TIAM2: variants seen among roughly 807,000 people sequenced by gnomAD.
TIAM2 encodes TIAM Rac1 associated GEF 2.
A neutral mutation model predicts 152.9 loss-of-function variants in TIAM2; 80 were observed. That is an observed-to-expected ratio of 0.52 (90% confidence interval 0.44 to 0.63). The LOEUF (loss-of-function observed/expected upper bound fraction) is 0.63, where lower values mean the gene tolerates loss of function less well. Ranked by LOEUF, TIAM2 falls within the 30% of genes least tolerant of loss-of-function variation. The pLI is 0.00. For missense variants in TIAM2, 1,965 were observed against 2,120.1 expected (o/e 0.93, Z 1.44); for synonymous variants, 804 against 838.0 (o/e 0.96, Z 0.70).
At chr6:155,250,657 AC>A in intron 21 of TIAM2, 1 of 1,526,306 alleles carries the variant, frequency 6.6e-7, no homozygotes, top group Non-Finnish European at 8.8e-7. Context: ...TGAGTTGGTC[AC>A]AAGGCATGTC....
At chr6:155,029,615 A>G (rs1254472525) in intron 1 of TIAM2, among the ~76,000 whole-genome samples, 1 of 119,898 alleles carries the variant, frequency 8.3e-6, no homozygotes, top group Non-Finnish European at 1.6e-5. Context: ...ATAACTCTGT[A>G]TATATGTATA....
chr6:155,204,787 C>T (rs9384295), intron 14 of TIAM2, among the ~76,000 whole-genome samples: 34,937 of 152,030 alleles, frequency 0.23, 4,307 homozygotes, highest in East Asian at 0.49. Context: ...TTTTCCGATG[C>T]GGTGACTGCT....
intron 1 of TIAM2, among the ~76,000 whole-genome samples, chr6:155,031,480 T>C (rs1237301025): frequency 6.6e-6 from 1 of 152,178 alleles, no homozygotes; most frequent in Non-Finnish European, 1.5e-5. Flanking sequence ...CCCAGCGCTG[T>C]GGGAGGCCAA....
intron 2 of TIAM2, among the ~76,000 whole-genome samples, chr6:155,104,039 C>CT (rs1562316887): frequency 1.1e-5 from 1 of 87,872 alleles, no homozygotes; most frequent in Admixed American, 1.2e-4. Flanking sequence ...CACACACACA[C>CT]ACCCCCCCCC....
At chr6:155,106,996 G>T (rs2115000963) in intron 2 of TIAM2, among the ~76,000 whole-genome samples, 1 of 152,318 alleles carries the variant, frequency 6.6e-6, no homozygotes, top group East Asian at 1.9e-4. Context: ...TCTGTTTTTA[G>T]CTCTCAACGG....
intron 5 of TIAM2, among the ~76,000 whole-genome samples, chr6:155,140,313 A>C (rs577911891): frequency 3.9e-4 from 60 of 152,192 alleles, no homozygotes; most frequent in Non-Finnish European, 4.0e-4. Context: ...TTAAGGGGTA[A>C]ACATCTGGGA....
Position 155,056,835 on chromosome 6 carries a change from C to A in TIAM2, c.-208-33454C>A, listed in dbSNP as rs557923343. Among the ~76,000 whole-genome samples the A allele has an allele frequency of 6.7e-4, 102 of 151,744 alleles. 1 individual carries two copies. The highest frequency in any genetic ancestry group is 1.1e-3 in the Non-Finnish European group (73 of 67,942). On this transcript the variant is annotated intron_variant, in intron 1 of 26. Coordinates refer to ENST00000682666, the MANE Select transcript of TIAM2 (RefSeq NM_012454.4). Reference sequence around the variant, plus strand: ...TTCGATTCTCATTTCCTCTCTTTGTCCCTAATGTCCTTTTTCTGTTCCAGG... The same window carrying A: ...TTCGATTCTCATTTCCTCTCTTTGTACCTAATGTCCTTTTTCTGTTCCAGG...
In TIAM2 at chr6:155,256,670, C is replaced by A. The variant is rs766738709; in HGVS notation, c.4655C>A (p.Pro1552His). The A allele has an allele frequency of 6.2e-7, 1 of 1,614,204 alleles. No individual in the cohort carries two copies. The highest frequency in any genetic ancestry group is 1.1e-5 in the South Asian group (1 of 91,088). The stretch of plus-strand genomic sequence containing the variant: ...ACTTCTCCCGGGAAATACCCACACC[C>A]CGGCTTGGCAGATTTTGCCGACAAT... ...KSTSPGKYPH[P>H]GLADFADNLI... Residue 1552 changes from proline (P) to histidine (H), a missense_variant, in exon 27 of 27, where the codon CCC becomes CAC. Physicochemically the swap from Pro to His is moderately conservative, Grantham distance 77 (BLOSUM62 -2). This residue lies in a region of TIAM2 where 935 missense variants were observed against 980.0 expected (regional missense o/e 0.95). Coordinates refer to ENST00000682666, the MANE Select transcript of TIAM2 (RefSeq NM_012454.4).
chr6:155,027,244 T>A (rs1776623736), intron 1 of TIAM2, among the ~76,000 whole-genome samples: 1 of 151,336 alleles, frequency 6.6e-6, no homozygotes, highest in Non-Finnish European at 1.5e-5. Context: ...CAGGATGGTC[T>A]CTTACTCCTG....
chr6:155,013,247 A>G (rs1348901300), intron 1 of TIAM2, among the ~76,000 whole-genome samples: 1 of 152,156 alleles, frequency 6.6e-6, no homozygotes. Context: ...TGTGTGTGCC[A>G]TAGACGATCC....
chr6:154,999,668 A>G (rs1234488222), intron 1 of TIAM2, among the ~76,000 whole-genome samples: 2 of 151,856 alleles, frequency 1.3e-5, no homozygotes, highest in African/African-American at 4.8e-5. Context: ...AGTTTCTTGT[A>G]ACTTCTTTTT....
rs1286232611 is a variant in TIAM2 at position 155,254,310 on chromosome 6, T to C, written c.4314-109T>C. ...ATGGCACTGCTGCTGGGTGGCTGGC[T>C]GGCAGCCTGGTCCAGCAGGTGCAAG... On this transcript the variant is annotated intron_variant, in intron 25 of 26. Transcript: ENST00000682666. 36 of 1,446,034 alleles carry C rather than the reference T, an allele frequency of 2.5e-5. No homozygotes were observed. In the Admixed American group the frequency reaches 2.6e-4, roughly 10 times the overall value. The allele number at this position is 1,446,034 out of a possible 1,614,324, so 89.6% of individuals were successfully genotyped here.
Position 155,156,190 on chromosome 6 carries a change from C to A in TIAM2, c.2028+7856C>A, listed in dbSNP as rs529546664. Among the ~76,000 whole-genome samples, 1 of 152,190 alleles carries A rather than the reference C, an allele frequency of 6.6e-6. No homozygotes were observed. Among genetic ancestry groups the A allele is most frequent in the East Asian group, 1.9e-4 (1 of 5,176 alleles). ...GGAGAATAGAGAGGGGTCTTCCAGG[C>A]CAAGGCACAGTGGGAGCAAATGCAG... On this transcript the variant is annotated intron_variant, in intron 7 of 26. Coordinates refer to ENST00000682666, the MANE Select transcript of TIAM2 (RefSeq NM_012454.4). This position sits in a 1 kb window ranked among gnomAD's most constrained non-coding sequence, Gnocchi z 4.4.
chr6:155,130,406 A>C lies in TIAM2; in HGVS notation c.1183A>C (p.Arg395=). ...DWTGSLSRKK[R]KLQEPRSKEG... The stretch of plus-strand genomic sequence containing the variant: ...GACGGGAAGCCTCTCAAGGAAGAAA[A>C]GGAAACTCCAGGTGAGCATACCTTA... Residue 395 remains arginine (R), a synonymous_variant, in exon 4 of 27, where the codon AGG becomes CGG. Coordinates refer to ENST00000682666, the MANE Select transcript of TIAM2 (RefSeq NM_012454.4). 2 of 1,613,204 alleles carry C rather than the reference A, an allele frequency of 1.2e-6. No individual in the cohort carries two copies. The highest frequency in any genetic ancestry group is 1.7e-6 in the Non-Finnish European group (2 of 1,179,782).
At chr6:155,143,581 G>T (rs1437594522) in intron 5 of TIAM2, among the ~76,000 whole-genome samples, 1 of 152,170 alleles carries the variant, frequency 6.6e-6, no homozygotes, top group Admixed American at 6.5e-5. Flanking sequence ...AACAAACCGG[G>T]TACTTTCTCA....
At chr6:155,255,500 T>C (rs2115371677) in intron 26 of TIAM2, 1 of 152,264 alleles carries the variant, frequency 6.6e-6, no homozygotes, top group Admixed American at 6.5e-5. Context: ...TACCACATAT[T>C]TACTATTTTC....
At chr6:155,124,389 G>A (rs61052173) in intron 2 of TIAM2, among the ~76,000 whole-genome samples, 11,070 of 151,930 alleles carry the variant, frequency 0.073, 547 homozygotes, top group East Asian at 0.25. Flanking sequence ...GGAGTGCAAC[G>A]GCACAATCTC....
At position 155,131,635 on chromosome 6, in the gene TIAM2, A is replaced by G. The variant is rs111497650; in HGVS notation, c.1194+1218A>G. ...CGCTCCGTTGTACAGGCTGGAGTAC[A>G]GTGGTGCGATCTTGGCTCACTGCAA... On this transcript the variant is annotated intron_variant, in intron 4 of 26. Coordinates refer to ENST00000682666, the MANE Select transcript of TIAM2 (RefSeq NM_012454.4). Among the ~76,000 whole-genome samples, 412 of 150,552 alleles carry G rather than the reference A, an allele frequency of 2.7e-3. 3 individuals are homozygous for G. Among genetic ancestry groups the G allele is most frequent in the African/African-American group, 9.6e-3 (391 of 40,918 alleles).
chr6:155,039,823 G>T (rs7773808), intron 1 of TIAM2, among the ~76,000 whole-genome samples: 7,633 of 152,234 alleles, frequency 0.05, 362 homozygotes, highest in African/African-American at 0.13. Context: ...ACTACTTACT[G>T]CCTCTAAGCT....
Sources: allele counts gnomAD v4.1 joint callset (sites outside exome capture counted in the v4.1 genomes callset), GRCh38; gene constraint gnomAD v4.1.1; regional missense constraint gnomAD v4.1.1; non-coding constraint Gnocchi (gnomAD v3.1); transcripts MANE v1.5; gene names NCBI Gene and HGNC (gene_info 2026-07-23, HGNC 2026-07-21).